Variants in AK8 observed in about 807,000 individuals in gnomAD.
The protein encoded by AK8 is adenylate kinase 8, also known as ATP-AMP transphosphorylase 8.
Under a neutral mutation model 54.6 loss-of-function variants are expected in AK8, and 44 were observed. The observed-to-expected ratio is 0.81, with a 90% CI of 0.63 to 1.04. The LOEUF is 1.04. Ranked by LOEUF, AK8 falls within the 50% of genes least tolerant of loss-of-function variation. The pLI is 0.00. For missense variants in AK8, 555 were observed against 613.6 expected (o/e 0.90, Z 1.01); for synonymous variants, 239 against 245.6 (o/e 0.97, Z 0.25).
intron 5 of AK8, 146 bp downstream of exon 5, chr9:132,854,711 T>G (rs573582840): frequency 4.6e-5 from 37 of 806,728 alleles, no homozygotes; most frequent in Admixed American, 1.1e-4. Context: ...AAAATCCATG[T>G]CTGTAGACTG....
At chr9:132,754,511 T>C (rs1020511624) in intron 11 of AK8, among the ~76,000 whole-genome samples, 89 of 152,280 alleles carry the variant, frequency 5.8e-4, no homozygotes, top group African/African-American at 2.1e-3. Flanking sequence ...CCCCATCTGA[T>C]TGGAAACATA....
chr9:132,853,227 G>A (rs894572874), intron 5 of AK8, among the ~76,000 whole-genome samples: 6 of 151,362 alleles, frequency 4.0e-5, no homozygotes, highest in Non-Finnish European at 7.4e-5. Context: ...GCATGGTGAC[G>A]CATGCCTGTA....
intron 11 of AK8, among the ~76,000 whole-genome samples, chr9:132,733,063 T>C (rs892328097): frequency 2.6e-5 from 4 of 152,270 alleles, no homozygotes; most frequent in Admixed American, 1.3e-4. Context: ...TGGTGCCTGA[T>C]GAAAACTGCA....
intron 5 of AK8, among the ~76,000 whole-genome samples, chr9:132,841,441 T>C (rs537640848): frequency 5.3e-5 from 8 of 152,358 alleles, no homozygotes; most frequent in African/African-American, 1.9e-4. Flanking sequence ...GTAGCATCCA[T>C]ACATGAAAAC....
At chr9:132,758,735 A>T (rs1234252524) in intron 11 of AK8, among the ~76,000 whole-genome samples, 12 of 152,108 alleles carry the variant, frequency 7.9e-5, no homozygotes, top group Admixed American at 7.9e-4. Context: ...TGGGGATTAC[A>T]GGCATGAGCC....
At chr9:132,813,620 T>G (rs1841181556) in intron 10 of AK8, among the ~76,000 whole-genome samples, 1 of 152,290 alleles carries the variant, frequency 6.6e-6, no homozygotes, top group South Asian at 2.1e-4. Flanking sequence ...AGTGGGAAAT[T>G]CACTGCCCCA....
chr9:132,777,434 T>C (rs1839270077), intron 11 of AK8, among the ~76,000 whole-genome samples: 1 of 152,140 alleles, frequency 6.6e-6, no homozygotes, highest in Non-Finnish European at 1.5e-5. Context: ...GACGAGCTGC[T>C]TGGACTCCAC....
chr9:132,815,068 C>T (rs1454546449), intron 9 of AK8, among the ~76,000 whole-genome samples: 1 of 152,226 alleles, frequency 6.6e-6, no homozygotes, highest in Non-Finnish European at 1.5e-5. Flanking sequence ...ACTCGGCGCC[C>T]TCCAGGGTGC....
In AK8 at chr9:132,777,587, A is replaced by T. The variant is rs1201733612; in HGVS notation, c.1121+15047T>A. ...TCCAATTCATCATTCCCACCCATAC[A>T]TATTTTCCCAGCAAATATGTCCATT... is the stretch of plus-strand genomic sequence containing the variant. On this transcript the variant is annotated intron_variant, in intron 11 of 12. Transcript: ENST00000298545. Among the ~76,000 whole-genome samples, 38 of 152,128 alleles carry T rather than the reference A, an allele frequency of 2.5e-4. 1 individual carries two copies. Among genetic ancestry groups the T allele is most frequent in the Admixed American group, 2.4e-3 (37 of 15,278 alleles).
Position 132,874,642 on chromosome 9 carries a change from T to C in AK8, c.169+473A>G, listed in dbSNP as rs142365908. 2.8e-3 allele frequency among the ~76,000 whole-genome samples: 424 copies of C among 152,212 alleles called. 1 individual carries two copies. Among genetic ancestry groups the C allele is most frequent in the African/African-American group, 9.5e-3 (396 of 41,530 alleles). On this transcript the variant is annotated intron_variant, in intron 2 of 12. Transcript: ENST00000298545. ...ACCTGCACCGGCCAACTGCAAAGGT[T>C]TGGGGAGCTCGGAAACTCATTAACA...
intron 11 of AK8, among the ~76,000 whole-genome samples, chr9:132,734,845 C>A (rs1165370116): frequency 6.6e-6 from 1 of 152,158 alleles, no homozygotes; most frequent in Non-Finnish European, 1.5e-5. Context: ...GACTGGCCAG[C>A]ATGGTGAAAC....
At chr9:132,870,661 T>C (rs1307916187) in intron 2 of AK8, among the ~76,000 whole-genome samples, 1 of 152,258 alleles carries the variant, frequency 6.6e-6, no homozygotes, top group Non-Finnish European at 1.5e-5. Context: ...CTCCCTCGTG[T>C]GCTCGCTCAC....
chr9:132,832,391 C>T (rs1432171308), intron 5 of AK8, among the ~76,000 whole-genome samples: 1 of 152,184 alleles, frequency 6.6e-6, no homozygotes, highest in East Asian at 1.9e-4. Context: ...CATCTACAGA[C>T]GTGAGCAACA....
intron 5 of AK8, among the ~76,000 whole-genome samples, chr9:132,835,841 A>T (rs927264499): frequency 6.6e-6 from 1 of 152,170 alleles, no homozygotes; most frequent in Non-Finnish European, 1.5e-5. Context: ...ATAAAAAATT[A>T]GGCCAGGCGC....
At chr9:132,846,702 A>G (rs1842767644) in intron 5 of AK8, among the ~76,000 whole-genome samples, 1 of 152,198 alleles carries the variant, frequency 6.6e-6, no homozygotes, top group Non-Finnish European at 1.5e-5. Context: ...GGGAGTAGAT[A>G]GGCTTTGCCC....
chr9:132,816,877 G>A (rs1841354665), intron 9 of AK8, among the ~76,000 whole-genome samples: 1 of 152,190 alleles, frequency 6.6e-6, no homozygotes, highest in South Asian at 2.1e-4. Flanking sequence ...GGAGCTCTGA[G>A]ACGGCCAGAA....
intron 5 of AK8, among the ~76,000 whole-genome samples, chr9:132,852,721 G>A (rs1843013437): frequency 8.2e-6 from 1 of 121,644 alleles, no homozygotes; most frequent in South Asian, 2.8e-4. Context: ...AGTGAGCCGA[G>A]ATCATGCCAC....
rs949982790 is a variant in AK8 at position 132,862,194 on chromosome 9, C to T, written c.333+1471G>A. On this transcript the variant is annotated intron_variant, in intron 4 of 12. Transcript: ENST00000298545. ...GCCACACAGTCCAACTCCTGCAAGA[C>T]TGCAGGGGCGGCTGGGGGACTGACT... is the stretch of plus-strand genomic sequence containing the variant. 5.9e-5 allele frequency among the ~76,000 whole-genome samples: 9 copies of T among 152,364 alleles called. No homozygotes were observed. The East Asian group carries it at 1.7e-3, about 29-fold the overall frequency.
chr9:132,782,816 T>C (rs528219217), intron 11 of AK8, among the ~76,000 whole-genome samples: 2 of 152,204 alleles, frequency 1.3e-5, no homozygotes, highest in African/African-American at 2.4e-5. Context: ...TCCCTGGAAT[T>C]TCACAGGAAT....
Sources: allele counts gnomAD v4.1 joint callset (sites outside exome capture counted in the v4.1 genomes callset), GRCh38; gene constraint gnomAD v4.1.1; transcripts MANE v1.5; gene names NCBI Gene and HGNC (gene_info 2026-07-23, HGNC 2026-07-21).